The following B4GALT4 variants were observed in gnomAD, a reference collection of about 807,000 sequenced individuals.
B4GALT4 encodes the protein N-acetyllactosamine synthase.
Under a neutral mutation model 37.3 loss-of-function variants are expected in B4GALT4, and 27 were observed. That is an observed-to-expected ratio of 0.72 (90% CI 0.53 to 1.00). B4GALT4 has a LOEUF of 1.00. B4GALT4 is among the 50% of genes least tolerant of loss of function. The probability of loss-of-function intolerance (pLI) is 0.00; values close to 1 mark genes in which losing one functional copy is unlikely to be tolerated. For synonymous variants in B4GALT4, 148 were observed against 154.1 expected, an observed-to-expected ratio of 0.96 and a Z score of 0.29; for missense variants, 372 against 413.1, an observed-to-expected ratio of 0.90 and a Z score of 0.86.
At chr3:119,238,053 G>A (rs533308454) in intron 1 of B4GALT4, among the ~76,000 whole-genome samples, 11 of 152,210 alleles carry the variant, frequency 7.2e-5, no homozygotes, top group African/African-American at 2.4e-4. Context: ...GATCACTTGA[G>A]GCCAGGAGTT....
intron 2 of B4GALT4, chr3:119,235,329 T>C (rs1333871448): frequency 1.3e-5 from 2 of 152,226 alleles, no homozygotes; most frequent in Non-Finnish European, 2.9e-5. Flanking sequence ...GAGGACACCA[T>C]GTATCACTCT....
Position 119,212,689 on chromosome 3 carries a change from TAA to T in B4GALT4, c.903-10_903-9del. ...TGGTGTAAGAGCTTCATCCTAAAGATAAAAAGAACAAATGTGAATGATAAGAA... is the reference window on the plus strand; with the variant it reads ...TGGTGTAAGAGCTTCATCCTAAAGATAAAGAACAAATGTGAATGATAAGAA... On this transcript the variant is annotated splice_polypyrimidine_tract_variant and intron_variant, in intron 7 of 7. Transcript: ENST00000393765. The T allele has an allele frequency of 6.3e-7, 1 of 1,583,194 alleles. No individual in the cohort carries two copies. Among genetic ancestry groups the T allele is most frequent in the Non-Finnish European group, 8.5e-7 (1 of 1,170,222 alleles).
intron 2 of B4GALT4, among the ~76,000 whole-genome samples, chr3:119,234,116 GT>G (rs373341157): frequency 1.6e-4 from 24 of 148,120 alleles, no homozygotes; most frequent in Admixed American, 6.8e-4. Context: ...CAGGACACAA[GT>G]TTTTTTTTTT....
chr3:119,225,588 A>G (rs2078590372), intron 4 of B4GALT4, among the ~76,000 whole-genome samples: 1 of 151,074 alleles, frequency 6.6e-6, no homozygotes. Flanking sequence ...TTAGTATTTT[A>G]ACAGAGTATT....
At chr3:119,228,082 A>G (rs949503479) in intron 3 of B4GALT4, among the ~76,000 whole-genome samples, 5 of 152,204 alleles carry the variant, frequency 3.3e-5, no homozygotes, top group African/African-American at 4.8e-5. Context: ...TACACAGATG[A>G]CAACTACTAG....
At chr3:119,221,393 G>C (rs2078446513) in intron 5 of B4GALT4, among the ~76,000 whole-genome samples, 1 of 152,224 alleles carries the variant, frequency 6.6e-6, no homozygotes, top group South Asian at 2.1e-4. Context: ...GCTTGTACTT[G>C]TGGGGCTGGT....
rs1486743193 is a variant in B4GALT4 at position 119,212,689 on chromosome 3, TA to T, written c.903-9del. ...TGGTGTAAGAGCTTCATCCTAAAGA[TA>T]AAAAGAACAAATGTGAATGATAAGA... is the stretch of plus-strand genomic sequence containing the variant. On this transcript the variant is annotated splice_polypyrimidine_tract_variant and intron_variant, in intron 7 of 7. Transcript: ENST00000393765. 1 of 1,583,194 alleles carries T rather than the reference TA, an allele frequency of 6.3e-7. No homozygotes were observed.
intron 2 of B4GALT4, chr3:119,235,121 G>A (rs925052029): frequency 6.6e-6 from 1 of 152,218 alleles, no homozygotes; most frequent in Non-Finnish European, 1.5e-5. Context: ...ATACTGAGAA[G>A]TCTTGAATAT....
intron 2 of B4GALT4, chr3:119,232,669 T>C (rs1317068167): frequency 6.6e-6 from 1 of 152,206 alleles, no homozygotes. Context: ...TGACAGTAAG[T>C]CATCAGGTTC....
intron 5 of B4GALT4, 127 bp from the exon 6 acceptor site, chr3:119,218,899 T>C: frequency 9.0e-7 from 1 of 1,114,718 alleles, no homozygotes; most frequent in Non-Finnish European, 1.3e-6. Context: ...CTTCTCCTGC[T>C]TGACACCCAC....
Position 119,229,790 on chromosome 3 carries a change from T to C in B4GALT4, c.253+57A>G. On this transcript the variant is annotated intron_variant, in intron 3 of 7. Coordinates refer to ENST00000393765, the MANE Select transcript of B4GALT4 (RefSeq NM_003778.4). ...TGTTTTGATACAGGCAAGTACATATTATACTTAAATAAAAAGTTTGCATAC... is the reference window on the plus strand; with the variant it reads ...TGTTTTGATACAGGCAAGTACATATCATACTTAAATAAAAAGTTTGCATAC... 1.9e-6 allele frequency: 3 copies of C among 1,568,604 alleles called. No homozygotes were observed. The South Asian group carries it at 3.5e-5, about 18-fold the overall frequency.
chr3:119,230,482 C>G (rs928091862), intron 2 of B4GALT4: 1 of 228,102 alleles, frequency 4.4e-6, no homozygotes, highest in African/African-American at 2.3e-5. Flanking sequence ...AGAAGGGAAG[C>G]AATTTCCAAA....
chr3:119,218,208 C>A (rs189605899), intron 6 of B4GALT4, among the ~76,000 whole-genome samples: 9 of 152,310 alleles, frequency 5.9e-5, no homozygotes, highest in Admixed American at 2.0e-4. Context: ...GAGGAGAGGA[C>A]CTCTTTGCCT....
chr3:119,229,987 A>G lies in B4GALT4; in HGVS notation c.113T>C (p.Ile38Thr). The G allele has an allele frequency of 1.2e-6, 2 of 1,614,194 alleles. No homozygotes were observed. Among genetic ancestry groups the G allele is most frequent in the African/African-American group, 1.3e-5 (1 of 75,040 alleles). The change falls in exon 3 of 8, where the codon ATT (isoleucine) becomes ACT (threonine). Residue 38 changes from isoleucine to threonine, a missense_variant. Transcript: ENST00000393765. ...WATSNYFVGA[I>T]QEIPKAKEFM... Reference sequence around the variant, plus strand: ...CTCCTTTGCTTTAGGAATCTCTTGAATGGCACCCACGAAGTAGTTACTGGT... The same window carrying G: ...CTCCTTTGCTTTAGGAATCTCTTGAGTGGCACCCACGAAGTAGTTACTGGT...
intron 6 of B4GALT4, among the ~76,000 whole-genome samples, chr3:119,217,594 A>G (rs570960016): frequency 9.2e-5 from 14 of 152,278 alleles, no homozygotes; most frequent in African/African-American, 3.1e-4. Flanking sequence ...TAATCCCAAC[A>G]CTTTGGGAGG....
rs2078763697 is a variant in B4GALT4, at chr3:119,230,222, C to T, written c.-123G>A. On this transcript the variant is annotated 5_prime_UTR_variant, in exon 3 of 8. Coordinates refer to ENST00000393765, the MANE Select transcript of B4GALT4 (RefSeq NM_003778.4). The stretch of plus-strand genomic sequence containing the variant: ...ACTGAAGATACAATGCCTGGTTTTT[C>T]TCAGTAGTTCTGCTCCAACAGTCTA... 1.6e-6 allele frequency: 2 copies of T among 1,248,284 alleles called. No homozygotes were observed. The highest frequency in any genetic ancestry group is 1.5e-5 in the African/African-American group (1 of 65,730). The allele number at this position is 1,248,284 out of a possible 1,614,324, so 77.3% of individuals were successfully genotyped here.
At chr3:119,219,194 T>C (rs2078376418) in intron 5 of B4GALT4, among the ~76,000 whole-genome samples, 1 of 152,180 alleles carries the variant, frequency 6.6e-6, no homozygotes, top group South Asian at 2.1e-4. Flanking sequence ...TGAATATACC[T>C]TTCTTTTTTT....
intron 5 of B4GALT4, among the ~76,000 whole-genome samples, chr3:119,220,669 G>T (rs970206200): frequency 6.6e-6 from 1 of 152,154 alleles, no homozygotes; most frequent in Non-Finnish European, 1.5e-5. Context: ...GAGCTGGAGT[G>T]GGGAGGGGCA....
rs115468732 is a variant in B4GALT4, at chr3:119,217,884, G to A, written c.797+766C>T. ...AAAAAAAGAATTTCTTTTCCAAGAGGCAACAAGCAGGAGGGAAGGGGGCCT... is the reference window on the plus strand; with the variant it reads ...AAAAAAAGAATTTCTTTTCCAAGAGACAACAAGCAGGAGGGAAGGGGGCCT... On this transcript the variant is annotated intron_variant, in intron 6 of 7. Coordinates refer to ENST00000393765, the MANE Select transcript of B4GALT4 (RefSeq NM_003778.4). 1.3e-3 allele frequency among the ~76,000 whole-genome samples: 190 copies of A among 150,764 alleles called. 2 individuals carry two copies. The highest frequency in any genetic ancestry group is 1.8e-3 in the Non-Finnish European group (122 of 67,698).
Sources: gnomAD v4.1 joint callset for allele counts (sites outside exome capture counted in the v4.1 genomes callset) on GRCh38, gnomAD v4.1.1 for gene constraint, MANE v1.5 for transcripts, NCBI Gene and HGNC (gene_info 2026-07-23, HGNC 2026-07-21) for gene names.